Variants in AMBRA1 observed in about 807,000 individuals in gnomAD.
AMBRA1 encodes the protein activating molecule in BECN1-regulated autophagy protein 1.
In AMBRA1, 47 loss-of-function variants were observed where a neutral mutation model predicts 125.4. That is an observed-to-expected ratio of 0.37 (90% CI 0.30 to 0.48). The LOEUF is 0.48. Ranked by LOEUF, AMBRA1 falls within the 20% of genes least tolerant of loss-of-function variation. The probability of loss-of-function intolerance (pLI) is 0.99; values close to 1 mark genes in which losing one functional copy is unlikely to be tolerated. For missense variants in AMBRA1, 1,331 were observed against 1,693.4 expected, an observed-to-expected ratio of 0.79 and a Z score of 3.76; for synonymous variants, 626 against 655.5, an observed-to-expected ratio of 0.95 and a Z score of 0.69.
At chr11:46,420,216 C>T (rs758645857) in intron 14 of AMBRA1, among the ~76,000 whole-genome samples, 29 of 152,292 alleles carry the variant, frequency 1.9e-4, no homozygotes, top group South Asian at 1.2e-3. Context: ...GGACTCAACT[C>T]CAAATGTAAG....
At chr11:46,545,157 A>C in intron 5 of AMBRA1, among the ~76,000 whole-genome samples, 1 of 64,180 alleles carries the variant, frequency 1.6e-5, no homozygotes, top group Non-Finnish European at 3.1e-5. Flanking sequence ...AAAAAAAAAA[A>C]AGCCGGGGGG....
At chr11:46,439,956 T>C (rs919393271) in intron 12 of AMBRA1, among the ~76,000 whole-genome samples, 1 of 152,252 alleles carries the variant, frequency 6.6e-6, no homozygotes, top group African/African-American at 2.4e-5. Context: ...ATCCAAAAAT[T>C]TGATAGTACA....
chr11:46,418,265 TATATA>T (rs1224867163), intron 14 of AMBRA1, among the ~76,000 whole-genome samples: 10 of 144,728 alleles, frequency 6.9e-5, no homozygotes, highest in Non-Finnish European at 1.2e-4. Flanking sequence ...TTATTATTTA[TATATA>T]ATATGTTTTA....
Position 46,493,679 on chromosome 11 carries a change from T to G in AMBRA1, c.2450A>C (p.Tyr817Ser). 1 of 1,602,062 alleles carries G rather than the reference T, an allele frequency of 6.2e-7. No homozygotes were observed. The highest frequency in any genetic ancestry group is 8.5e-7 in the Non-Finnish European group (1 of 1,176,678). Residue 817 changes from tyrosine (Y) to serine (S), a missense_variant, in exon 11 of 18, where the codon TAT becomes TCT. By Grantham distance (144) the Tyr-to-Ser change is moderately radical. This residue lies in a region of AMBRA1 where 354 missense variants were observed against 532.7 expected (regional missense o/e 0.66). Transcript: ENST00000683756. ...RRFLLPEYLP[Y>S]AGIFHERGQP... ...TCCACGTTCATGAAAAATCCCAGCATAAGGCAAGTACTCAGGCAGCAAGAA... is the reference window on the plus strand; with the variant it reads ...TCCACGTTCATGAAAAATCCCAGCAGAAGGCAAGTACTCAGGCAGCAAGAA...
chr11:46,548,349 C>T lies in AMBRA1; in HGVS notation c.32G>A (p.Arg11Gln), dbSNP rs1451283340. The stretch of plus-strand genomic sequence containing the variant: ...ACCCCGTTCTCGCCCCCAGAGTATC[C>T]GGACAGCATTCTTTTCTGGGACAAC... MKVVPEKNAV[R>Q]ILWGRERGAR... Residue 11 changes from arginine to glutamine, a missense_variant, in exon 2 of 18, where the codon CGG becomes CAG. Physicochemically the swap from Arg to Gln is conservative, Grantham distance 43. This residue lies in a region of AMBRA1 where 144 missense variants were observed against 250.4 expected (regional missense o/e 0.58). Coordinates refer to ENST00000683756, the MANE Select transcript of AMBRA1 (RefSeq NM_001387011.1). The T allele has an allele frequency of 1.2e-6, 2 of 1,613,900 alleles. No individual in the cohort carries two copies. Among genetic ancestry groups the T allele is most frequent in the Non-Finnish European group, 1.7e-6 (2 of 1,180,026 alleles).
At chr11:46,470,588 CAAAAAA>C (rs766521795) in intron 11 of AMBRA1, among the ~76,000 whole-genome samples, 4 of 53,454 alleles carry the variant, frequency 7.5e-5, no homozygotes, top group Admixed American at 2.1e-4. Flanking sequence ...GACTCCGTCT[CAAAAAA>C]AAAAAAAAAA....
At chr11:46,402,876 G>A (rs1433719045) in intron 17 of AMBRA1, among the ~76,000 whole-genome samples, 1 of 152,168 alleles carries the variant, frequency 6.6e-6, no homozygotes, top group East Asian at 1.9e-4. Context: ...TCAGCCTACA[G>A]AACTATGAGC....
intron 11 of AMBRA1, among the ~76,000 whole-genome samples, chr11:46,472,844 T>G (rs978483238): frequency 1.3e-5 from 2 of 152,204 alleles, no homozygotes; most frequent in Non-Finnish European, 1.5e-5. Flanking sequence ...CCCTGTCACC[T>G]GCTCACCAGG....
chr11:46,474,777 C>T (rs1590900234), intron 11 of AMBRA1, among the ~76,000 whole-genome samples: 1 of 152,186 alleles, frequency 6.6e-6, no homozygotes, highest in East Asian at 1.9e-4. Context: ...TGGATTTTCC[C>T]TATGGCTAGC....
intron 11 of AMBRA1, among the ~76,000 whole-genome samples, chr11:46,478,446 C>T (rs1016994591): frequency 5.3e-5 from 8 of 152,126 alleles, no homozygotes; most frequent in African/African-American, 1.9e-4. Flanking sequence ...CTCTTTTGCA[C>T]ATCTTTTTAC....
intron 12 of AMBRA1, among the ~76,000 whole-genome samples, chr11:46,439,386 A>G (rs1483632650): frequency 6.6e-6 from 1 of 152,232 alleles, no homozygotes; most frequent in African/African-American, 2.4e-5. Flanking sequence ...GTCCAGAAAT[A>G]TATCTAAATA....
At chr11:46,479,646 G>A (rs1047637953) in intron 11 of AMBRA1, among the ~76,000 whole-genome samples, 1 of 151,950 alleles carries the variant, frequency 6.6e-6, no homozygotes, top group East Asian at 1.9e-4. Context: ...GCAGTGAGCT[G>A]AGACTACACC....
intron 16 of AMBRA1, among the ~76,000 whole-genome samples, chr11:46,409,303 C>T (rs1479757347): frequency 5.3e-5 from 8 of 152,018 alleles, no homozygotes; most frequent in African/African-American, 9.7e-5. Context: ...AGGATTCAAG[C>T]GATTCTCCTG....
At chr11:46,444,705 A>T (rs1017610721) in intron 11 of AMBRA1, among the ~76,000 whole-genome samples, 2 of 152,184 alleles carry the variant, frequency 1.3e-5, no homozygotes, top group Non-Finnish European at 2.9e-5. Flanking sequence ...CTGCAAAAGC[A>T]TCTTGTGAAC....
chr11:46,556,989 A>C (rs1052616648), intron 1 of AMBRA1, among the ~76,000 whole-genome samples: 12 of 152,086 alleles, frequency 7.9e-5, no homozygotes, highest in Non-Finnish European at 1.5e-4. Context: ...ATACAAAATT[A>C]GCCAGGCATG....
At chr11:46,441,813 G>C (rs1008155377) in intron 12 of AMBRA1, among the ~76,000 whole-genome samples, 1 of 152,128 alleles carries the variant, frequency 6.6e-6, no homozygotes, top group Non-Finnish European at 1.5e-5. Context: ...TTTCAACAAA[G>C]ATTTAATGGA....
chr11:46,584,578 A>G (rs2044301205), intron 1 of AMBRA1, among the ~76,000 whole-genome samples: 1 of 151,932 alleles, frequency 6.6e-6, no homozygotes, highest in Admixed American at 6.6e-5. Context: ...TGAAAAATAC[A>G]CACTCTGCTA....
chr11:46,459,427 T>C (rs1393478245), intron 11 of AMBRA1, among the ~76,000 whole-genome samples: 1 of 152,134 alleles, frequency 6.6e-6, no homozygotes, highest in Non-Finnish European at 1.5e-5. Context: ...ACACTGATAC[T>C]TATATTTATA....
chr11:46,447,505 A>T (rs1948351143), intron 11 of AMBRA1, among the ~76,000 whole-genome samples: 1 of 152,166 alleles, frequency 6.6e-6, no homozygotes, highest in Non-Finnish European at 1.5e-5. Flanking sequence ...ACCACACTGC[A>T]GCCTGGGCAA....
Sources: gnomAD v4.1 joint callset for allele counts (sites outside exome capture counted in the v4.1 genomes callset) on GRCh38, gnomAD v4.1.1 for gene constraint, gnomAD v4.1.1 regional missense constraint, MANE v1.5 for transcripts, NCBI Gene and HGNC (gene_info 2026-07-23, HGNC 2026-07-21) for gene names.